The following WNK1 variants were observed in gnomAD, a reference collection of about 807,000 sequenced individuals.
WNK1 encodes the protein serine/threonine-protein kinase WNK1.
A neutral mutation model predicts 222.8 loss-of-function variants in WNK1; 38 were observed. The observed-to-expected ratio is 0.17, with a 90% confidence interval of 0.13 to 0.22. The LOEUF is 0.22. Among genes scored for constraint, WNK1 ranks in the 10% least tolerant of loss-of-function variants. The pLI, the probability that WNK1 is intolerant of heterozygous loss-of-function variation, is 1.00. For synonymous variants in WNK1, 1,090 were observed against 1,092.9 expected (o/e 1.00, Z 0.05); for missense variants, 2,348 against 2,918.4 (o/e 0.80, Z 4.50).
intron 9 of WNK1, among the ~76,000 whole-genome samples, chr12:876,502 T>TAATTGACA (rs1952630705): frequency 6.6e-6 from 1 of 152,186 alleles, no homozygotes. Context: ...TTTGGTGATT[T>TAATTGACA]TAATTGACAT....
chr12:798,625 T>C (rs989215801), intron 1 of WNK1, among the ~76,000 whole-genome samples: 1 of 106,232 alleles, frequency 9.4e-6, no homozygotes, highest in African/African-American at 3.3e-5. Flanking sequence ...CACAACTGTC[T>C]TTTTTTTCCT....
At chr12:878,786 T>C (rs1592143132) in intron 10 of WNK1, among the ~76,000 whole-genome samples, 1 of 117,898 alleles carries the variant, frequency 8.5e-6, no homozygotes, top group Non-Finnish European at 2.0e-5. Context: ...GTGTGGAATG[T>C]TTTTTTTTCT....
chr12:879,392 C>T lies in WNK1; in HGVS notation c.2374-181C>T, dbSNP rs880054. On this transcript the variant is annotated intron_variant, in intron 10 of 27. Coordinates refer to ENST00000315939, the MANE Select transcript of WNK1 (RefSeq NM_018979.4). ...TCTCTCCTGCTCTCCTTTCCATATT[C>T]TTATGTGGCATATTAACTTAACACT... 0.55 allele frequency among the ~76,000 whole-genome samples: 81,779 copies of T among 149,340 alleles called. 22,974 individuals are homozygous for T. Among genetic ancestry groups the T allele is most frequent in the East Asian group, 0.71 (3,637 of 5,118 alleles).
At chr12:851,309 G>A in intron 4 of WNK1, 1 of 957,164 alleles carries the variant, frequency 1.0e-6, no homozygotes, top group Non-Finnish European at 1.2e-6. Flanking sequence ...GGTTTCTAGT[G>A]TACATAGAGT....
intron 3 of WNK1, among the ~76,000 whole-genome samples, chr12:828,396 T>C (rs1213273207): frequency 6.6e-6 from 1 of 152,190 alleles, no homozygotes; most frequent in Non-Finnish European, 1.5e-5. Flanking sequence ...TATCAACTTT[T>C]TTCTTAGTCT....
At chr12:814,624 C>T (rs1393009690) in intron 2 of WNK1, among the ~76,000 whole-genome samples, 5 of 151,988 alleles carry the variant, frequency 3.3e-5, no homozygotes, top group African/African-American at 1.2e-4. Flanking sequence ...TTGTAAAGAG[C>T]TTTTGGTAAG....
intron 9 of WNK1, among the ~76,000 whole-genome samples, chr12:873,938 A>G (rs1952387628): frequency 6.6e-6 from 1 of 151,946 alleles, no homozygotes. Context: ...AGGGTCTCGT[A>G]TAGTGATATA....
chr12:885,224 G>A lies in WNK1; in HGVS notation c.4420G>A (p.Val1474Ile). The change falls in exon 19 of 28, where the codon GTA becomes ATA. Residue 1474 changes from valine (V) to isoleucine (I), a missense_variant. Coordinates refer to ENST00000315939, the MANE Select transcript of WNK1 (RefSeq NM_018979.4). ...TACCCCAGGTCCTAAGCCTCCAGCT[G>A]TAGTATCTCAGCAGGCAGCAGGCAG... ...TATPGPKPPA[V>I]VSQQAAGSTT... 3 of 1,614,212 alleles carry A rather than the reference G, an allele frequency of 1.9e-6. No individual in the cohort carries two copies. The highest frequency in any genetic ancestry group is 2.5e-6 in the Non-Finnish European group (3 of 1,180,044).
At chr12:879,034 G>A (rs1952883054) in intron 10 of WNK1, among the ~76,000 whole-genome samples, 1 of 152,066 alleles carries the variant, frequency 6.6e-6, no homozygotes, top group South Asian at 2.1e-4. Flanking sequence ...ATCAGGTAGT[G>A]GAGAGGGATG....
intron 26 of WNK1, among the ~76,000 whole-genome samples, chr12:904,709 G>A (rs1014601493): frequency 6.6e-6 from 1 of 152,182 alleles, no homozygotes; most frequent in Non-Finnish European, 1.5e-5. Flanking sequence ...GACAGACATG[G>A]ATTGGTAATG....
chr12:767,442 G>A (rs531618992), intron 1 of WNK1, among the ~76,000 whole-genome samples: 29 of 151,530 alleles, frequency 1.9e-4, no homozygotes, highest in African/African-American at 6.8e-4. Context: ...TAGTAGAGAC[G>A]GGGTTTCACC....
chr12:758,373 C>CTTGTTTTTTTT (rs1940502181), intron 1 of WNK1, among the ~76,000 whole-genome samples: 1 of 64,720 alleles, frequency 1.5e-5, no homozygotes, highest in Non-Finnish European at 2.7e-5. Context: ...TGCTATAGTT[C>CTTGTTTTTTTT]TTTTTTTTTT....
intron 1 of WNK1, among the ~76,000 whole-genome samples, chr12:796,814 C>CA (rs1945351139): frequency 6.6e-6 from 1 of 152,118 alleles, no homozygotes; most frequent in Non-Finnish European, 1.5e-5. Context: ...ATATATCAAC[C>CA]AAAAATGATC....
rs938773099 is a variant in WNK1 at position 850,207 on chromosome 12, C to G, written c.1312-6954C>G. ...CAACAGTGTAAAAGTGTTCCTATTT[C>G]TCCACATCCTGTCCAGCACCTGTTG... On this transcript the variant is annotated intron_variant, in intron 4 of 27. Coordinates refer to ENST00000315939, the MANE Select transcript of WNK1 (RefSeq NM_018979.4). Among the ~76,000 whole-genome samples, 23 of 152,220 alleles carry G rather than the reference C, an allele frequency of 1.5e-4. 1 individual carries two copies. The highest frequency in any genetic ancestry group is 1.3e-4 in the Admixed American group (2 of 15,286).
chr12:794,413 G>A (rs1945117631), intron 1 of WNK1, among the ~76,000 whole-genome samples: 2 of 152,018 alleles, frequency 1.3e-5, no homozygotes, highest in South Asian at 2.1e-4. Flanking sequence ...CTTCATCTGC[G>A]CTAATAAGGT....
intron 26 of WNK1, chr12:900,919 G>T: frequency 1.8e-6 from 1 of 545,330 alleles, no homozygotes; most frequent in Non-Finnish European, 3.3e-6. Flanking sequence ...TGGCCTATAT[G>T]ACTTGCTCAT....
chr12:846,714 A>G (rs1172058865), intron 4 of WNK1, among the ~76,000 whole-genome samples: 3 of 152,194 alleles, frequency 2.0e-5, no homozygotes, highest in African/African-American at 7.2e-5. Flanking sequence ...TTGGATTGCA[A>G]GGTTTGAACA....
chr12:871,069 A>G (rs1159797971), intron 8 of WNK1, among the ~76,000 whole-genome samples, 196 bp from the exon 9 acceptor site: 3 of 152,212 alleles, frequency 2.0e-5, no homozygotes. Context: ...GGATCAGAAC[A>G]TGTTGTGTGG....
chr12:779,950 A>G (rs953424921), intron 1 of WNK1, among the ~76,000 whole-genome samples: 9 of 152,168 alleles, frequency 5.9e-5, no homozygotes, highest in Non-Finnish European at 1.2e-4. Flanking sequence ...GCCATTCCCA[A>G]TGTTAAGCAA....
Sources: allele counts gnomAD v4.1 joint callset (sites outside exome capture counted in the v4.1 genomes callset), GRCh38; gene constraint gnomAD v4.1.1; transcripts MANE v1.5; gene names NCBI Gene and HGNC (gene_info 2026-07-23, HGNC 2026-07-21).